The following BLVRA variants were observed in gnomAD, a reference collection of about 807,000 sequenced individuals.
The protein encoded by BLVRA is BVR A.
Under a neutral mutation model 32.8 loss-of-function variants are expected in BLVRA, and 22 were observed. That is an observed-to-expected ratio of 0.67 (90% CI 0.48 to 0.96). The LOEUF is 0.96. BLVRA is among the 40% of genes least tolerant of loss of function. The pLI, the probability that BLVRA is intolerant of heterozygous loss-of-function variation, is 0.00. For synonymous variants in BLVRA, 119 were observed against 141.3 expected (o/e 0.84, Z 1.12); for missense variants, 323 against 358.1 (o/e 0.90, Z 0.79).
chr7:43,777,728 T>G (rs1247425821), intron 2 of BLVRA, among the ~76,000 whole-genome samples: 6 of 152,208 alleles, frequency 3.9e-5, no homozygotes, highest in Non-Finnish European at 8.8e-5. Flanking sequence ...GATAATATCC[T>G]GCAGAGTGTT....
At chr7:43,798,340 A>C (rs2095795128) in intron 5 of BLVRA, among the ~76,000 whole-genome samples, 1 of 151,950 alleles carries the variant, frequency 6.6e-6, no homozygotes, top group Admixed American at 6.6e-5. Context: ...TTTCCACTGA[A>C]AGTTACTTTT....
intron 1 of BLVRA, chr7:43,764,100 A>G (rs935771621): frequency 2.6e-5 from 4 of 152,240 alleles, no homozygotes; most frequent in Non-Finnish European, 5.9e-5. Context: ...AGCTTTTAAA[A>G]TGTTAGAAAC....
chr7:43,790,881 C>T (rs1285150506), intron 3 of BLVRA, among the ~76,000 whole-genome samples: 1 of 152,160 alleles, frequency 6.6e-6, no homozygotes, highest in Non-Finnish European at 1.5e-5. Context: ...CCATGTTGGC[C>T]AGGCTGGTCT....
chr7:43,783,393 A>T (rs1416278644), intron 2 of BLVRA, among the ~76,000 whole-genome samples: 1 of 152,156 alleles, frequency 6.6e-6, no homozygotes, highest in Non-Finnish European at 1.5e-5. Context: ...AGACTGTAGC[A>T]CACAGTGCAC....
At chr7:43,783,601 G>A (rs1033779504) in intron 2 of BLVRA, among the ~76,000 whole-genome samples, 1 of 152,140 alleles carries the variant, frequency 6.6e-6, no homozygotes, top group African/African-American at 2.4e-5. Flanking sequence ...TTATAAGCAA[G>A]GCTGCAGTAA....
At chr7:43,793,874 G>A (rs1033368111) in intron 5 of BLVRA, among the ~76,000 whole-genome samples, 2 of 151,210 alleles carry the variant, frequency 1.3e-5, no homozygotes, top group Non-Finnish European at 2.9e-5. Flanking sequence ...CACCCACCTC[G>A]GCCTCCCAAA....
intron 2 of BLVRA, among the ~76,000 whole-genome samples, chr7:43,776,917 G>C (rs2095761756): frequency 6.6e-6 from 1 of 152,074 alleles, no homozygotes; most frequent in South Asian, 2.1e-4. Flanking sequence ...TGTCTCTTTT[G>C]ATCTTTGTTG....
chr7:43,804,444 A>G (rs568134196), intron 7 of BLVRA, among the ~76,000 whole-genome samples: 1 of 152,340 alleles, frequency 6.6e-6, no homozygotes, highest in East Asian at 1.9e-4. Context: ...CCTTCTTGAA[A>G]AAAAAGAAAA....
chr7:43,788,405 A>G (rs1453595553), intron 3 of BLVRA, among the ~76,000 whole-genome samples: 4 of 152,182 alleles, frequency 2.6e-5, no homozygotes, highest in East Asian at 1.9e-4. Context: ...TGGGCTCTAC[A>G]TGTGATATTT....
At chr7:43,804,307 G>A (rs1159292161) in intron 7 of BLVRA, among the ~76,000 whole-genome samples, 9 of 152,134 alleles carry the variant, frequency 5.9e-5, no homozygotes, top group African/African-American at 1.4e-4. Context: ...CCGGTGTGGC[G>A]GTGCATGCCT....
At chr7:43,770,990 G>T (rs2095754063) in intron 1 of BLVRA, 148 bp from the exon 2 acceptor site, 5 of 720,580 alleles carry the variant, frequency 6.9e-6, no homozygotes, top group African/African-American at 3.5e-5. Flanking sequence ...TATCCTAGCT[G>T]GAAGGCACAG....
intron 1 of BLVRA, among the ~76,000 whole-genome samples, chr7:43,768,278 A>G (rs1332807884): frequency 1.3e-5 from 2 of 152,184 alleles, no homozygotes; most frequent in Non-Finnish European, 2.9e-5. Flanking sequence ...CCTACAGCCT[A>G]TGACCCGTTT....
intron 2 of BLVRA, among the ~76,000 whole-genome samples, chr7:43,775,431 C>A (rs1251775383): frequency 2.0e-5 from 3 of 152,120 alleles, no homozygotes; most frequent in African/African-American, 7.2e-5. Flanking sequence ...TGTTTATATG[C>A]TGGATTACCG....
chr7:43,785,262 T>C (rs558831718), intron 2 of BLVRA, among the ~76,000 whole-genome samples: 1 of 151,832 alleles, frequency 6.6e-6, no homozygotes, highest in Non-Finnish European at 1.5e-5. Context: ...TATTTGATCA[T>C]TAATATGTGT....
chr7:43,768,928 G>C (rs1362574474), intron 1 of BLVRA, among the ~76,000 whole-genome samples: 1 of 149,176 alleles, frequency 6.7e-6, no homozygotes, highest in Non-Finnish European at 1.5e-5. Flanking sequence ...TTATCCTTCT[G>C]AGATTTTTTT....
At chr7:43,773,771 C>T (rs2095757306) in intron 2 of BLVRA, among the ~76,000 whole-genome samples, 1 of 152,166 alleles carries the variant, frequency 6.6e-6, no homozygotes, top group Non-Finnish European at 1.5e-5. Context: ...TAAAAGTGTT[C>T]TTGTTTCTCC....
Position 43,791,346 on chromosome 7 carries a change from T to TA in BLVRA, c.232_233insA (p.Ser78TyrfsTer4). 6.2e-7 allele frequency: 1 copy of TA among 1,613,838 alleles called. No homozygotes were observed. Among genetic ancestry groups the TA allele is most frequent in the Non-Finnish European group, 8.5e-7 (1 of 1,179,996 alleles). On this transcript the variant is annotated frameshift_variant, in exon 4 of 8. Coordinates refer to ENST00000265523, the MANE Select transcript of BLVRA (RefSeq NM_000712.4). LOFTEE classifies it high-confidence loss of function. ...GGTCGCCTATATCTGCAGTGAGAGC[T>TA]CCAGCCATGAGGACTACATCAGGTG... is the stretch of plus-strand genomic sequence containing the variant.
At chr7:43,767,340 C>T (rs1217650006) in intron 1 of BLVRA, 4 of 1,583,310 alleles carry the variant, frequency 2.5e-6, no homozygotes, top group South Asian at 2.2e-5. Context: ...CTCCTAAGTT[C>T]GGAAAAGAAA....
chr7:43,766,125 T>G (rs892264954), intron 1 of BLVRA, among the ~76,000 whole-genome samples: 8 of 151,920 alleles, frequency 5.3e-5, no homozygotes, highest in African/African-American at 1.9e-4. Flanking sequence ...CCATTTCTAC[T>G]AAAAATAATT....
Sources: allele counts gnomAD v4.1 joint callset (sites outside exome capture counted in the v4.1 genomes callset), GRCh38; gene constraint gnomAD v4.1.1; transcripts MANE v1.5; gene names NCBI Gene and HGNC (gene_info 2026-07-23, HGNC 2026-07-21).